CNTNAP2: variants seen among roughly 807,000 people sequenced by gnomAD.
The protein encoded by CNTNAP2 is contactin associated protein 2, also known as contactin-associated protein-like 2.
A neutral mutation model predicts 155.2 loss-of-function variants in CNTNAP2; 98 were observed. The ratio of observed to expected loss-of-function variants is 0.63; its 90% CI spans 0.54 to 0.75. CNTNAP2 has a LOEUF of 0.75. Ranked by LOEUF, CNTNAP2 falls within the 30% of genes least tolerant of loss-of-function variation. The pLI, the probability that CNTNAP2 is intolerant of heterozygous loss-of-function variation, is 0.00. For synonymous variants in CNTNAP2, 651 were observed against 631.2 expected (o/e 1.03, Z -0.47); for missense variants, 1,727 against 1,688.1 (o/e 1.02, Z -0.40).
chr7:147,327,131 G>GC (rs1554470125), intron 9 of CNTNAP2, among the ~76,000 whole-genome samples: 3 of 152,064 alleles, frequency 2.0e-5, no homozygotes, highest in Non-Finnish European at 4.4e-5. Flanking sequence ...GGCTTGTTAG[G>GC]TTTTTCTACT....
chr7:146,976,196 C>T (rs114603636), intron 3 of CNTNAP2, among the ~76,000 whole-genome samples: 3 of 152,344 alleles, frequency 2.0e-5, no homozygotes, highest in African/African-American at 4.8e-5. Context: ...CTGCTTCTCT[C>T]GCACTACAAC....
intron 21 of CNTNAP2, among the ~76,000 whole-genome samples, chr7:148,362,195 A>G (rs1177944): frequency 0.73 from 110,591 of 151,264 alleles, 41,232 homozygotes; most frequent in Admixed American, 0.81. Context: ...GGGAGACTCC[A>G]TCTAAAAAAA....
At chr7:146,415,671 C>T (rs1346237163) in intron 1 of CNTNAP2, among the ~76,000 whole-genome samples, 1 of 151,942 alleles carries the variant, frequency 6.6e-6, no homozygotes, top group African/African-American at 2.4e-5. Flanking sequence ...AAAATCTCTA[C>T]ATCTTATCTT....
intron 12 of CNTNAP2, among the ~76,000 whole-genome samples, chr7:147,585,471 ATT>A (rs1049013749): frequency 5.5e-4 from 82 of 149,438 alleles, no homozygotes; most frequent in African/African-American, 1.9e-3. Context: ...TGTAAATAAT[ATT>A]TATTATCTCA....
At chr7:147,476,391 C>T (rs953887841) in intron 10 of CNTNAP2, among the ~76,000 whole-genome samples, 3 of 151,600 alleles carry the variant, frequency 2.0e-5, no homozygotes, top group African/African-American at 7.3e-5. Flanking sequence ...AGGTGTGAGC[C>T]ACCGCGCCCA....
rs1217059014 is a variant in CNTNAP2, at chr7:146,934,034, G to A, written c.402+94130G>A. On this transcript the variant is annotated intron_variant, in intron 3 of 23. Transcript: ENST00000361727. ...CAACCCTTGTGGAAGTCAGTGTGGC[G>A]TTTCCTCAGGGATCTAGAACTAGAA... 7.2e-5 allele frequency among the ~76,000 whole-genome samples: 11 copies of A among 152,212 alleles called. No homozygotes were observed. In the South Asian group the frequency reaches 1.2e-3, roughly 17 times the overall value.
chr7:148,388,717 T>A (rs1172632990), intron 22 of CNTNAP2, among the ~76,000 whole-genome samples: 1 of 152,196 alleles, frequency 6.6e-6, no homozygotes, highest in Non-Finnish European at 1.5e-5. Context: ...TTTGGTGTGG[T>A]TGTCCTTTCT....
intron 8 of CNTNAP2, among the ~76,000 whole-genome samples, chr7:147,282,964 G>T (rs1436034719): frequency 6.6e-6 from 1 of 151,838 alleles, no homozygotes; most frequent in Admixed American, 6.6e-5. Flanking sequence ...CCTTAAAAGT[G>T]TCCTGAAGTC....
intron 1 of CNTNAP2, among the ~76,000 whole-genome samples, chr7:146,242,975 T>C (rs946276797): frequency 2.0e-5 from 3 of 152,144 alleles, no homozygotes; most frequent in African/African-American, 7.2e-5. Context: ...ATTTAACAAT[T>C]TTGTGCTCTC....
intron 3 of CNTNAP2, among the ~76,000 whole-genome samples, chr7:146,847,055 G>C (rs1803855444): frequency 6.6e-6 from 1 of 151,922 alleles, no homozygotes; most frequent in Non-Finnish European, 1.5e-5. Flanking sequence ...TGAACTCAAT[G>C]CTAATTTTTT....
intron 13 of CNTNAP2, among the ~76,000 whole-genome samples, chr7:147,742,145 C>T (rs774110569): frequency 3.4e-4 from 51 of 152,136 alleles, no homozygotes; most frequent in Non-Finnish European, 6.3e-4. Flanking sequence ...ATTCAATTAC[C>T]TTCCACTGGG....
intron 1 of CNTNAP2, among the ~76,000 whole-genome samples, chr7:146,336,135 G>A (rs1801270226): frequency 6.6e-6 from 1 of 150,608 alleles, no homozygotes; most frequent in Admixed American, 6.6e-5. Flanking sequence ...GGAGGCGGAG[G>A]TTGTGGTGAG....
At chr7:146,371,526 G>A (rs541783373) in intron 1 of CNTNAP2, among the ~76,000 whole-genome samples, 39 of 151,756 alleles carry the variant, frequency 2.6e-4, no homozygotes, top group Admixed American at 1.5e-3. Flanking sequence ...CCGCCACCGC[G>A]CCAGCTAATT....
At chr7:146,150,286 T>G (rs1798018074) in intron 1 of CNTNAP2, among the ~76,000 whole-genome samples, 1 of 152,080 alleles carries the variant, frequency 6.6e-6, no homozygotes, top group Non-Finnish European at 1.5e-5. Context: ...GTAACTAAAC[T>G]CACATACTCT....
In CNTNAP2 at chr7:147,711,440, G is replaced by A. The variant is rs534920830; in HGVS notation, c.2098+72134G>A. On this transcript the variant is annotated intron_variant, in intron 13 of 23. Coordinates refer to ENST00000361727, the MANE Select transcript of CNTNAP2 (RefSeq NM_014141.6). ...ACTCACATCGAAGCTCCCAATGTAC[G>A]AAGGGATGACCTTCCTTCAATGGCT... Among the ~76,000 whole-genome samples the A allele has an allele frequency of 5.9e-5, 9 of 152,258 alleles. No homozygotes were observed. In the South Asian group the frequency reaches 6.2e-4, roughly 11 times the overall value.
chr7:148,179,597 G>C (rs1261038897), intron 18 of CNTNAP2, among the ~76,000 whole-genome samples: 2 of 146,424 alleles, frequency 1.4e-5, no homozygotes, highest in African/African-American at 2.6e-5. Flanking sequence ...GAGAGAGAGG[G>C]AGGGAGGGAA....
chr7:147,539,803 G>C (rs574089844), intron 11 of CNTNAP2, among the ~76,000 whole-genome samples: 1 of 152,292 alleles, frequency 6.6e-6, no homozygotes, highest in African/African-American at 2.4e-5. Flanking sequence ...GCATTTTTAG[G>C]AATTGTTCAT....
At chr7:147,553,967 A>G (rs1799901964) in intron 11 of CNTNAP2, among the ~76,000 whole-genome samples, 1 of 152,188 alleles carries the variant, frequency 6.6e-6, no homozygotes, top group Non-Finnish European at 1.5e-5. Context: ...TCTCAAAAGA[A>G]AAGAAAAAAA....
At chr7:147,708,692 G>T (rs900523472) in intron 13 of CNTNAP2, among the ~76,000 whole-genome samples, 1 of 152,070 alleles carries the variant, frequency 6.6e-6, no homozygotes, top group East Asian at 1.9e-4. Context: ...CCTCCACTGG[G>T]GAGCCAGCCT....
Sources: allele counts gnomAD v4.1 joint callset (sites outside exome capture counted in the v4.1 genomes callset), GRCh38; gene constraint gnomAD v4.1.1; transcripts MANE v1.5; gene names NCBI Gene and HGNC (gene_info 2026-07-23, HGNC 2026-07-21).